Variants in ITGA2B observed in about 807,000 individuals in gnomAD.
ITGA2B encodes the protein integrin alpha-IIb.
A neutral mutation model predicts 142.0 loss-of-function variants in ITGA2B; 91 were observed. The ratio of observed to expected loss-of-function variants is 0.64; its 90% CI spans 0.54 to 0.76. ITGA2B has a LOEUF of 0.76. Ranked by LOEUF, ITGA2B falls within the 30% of genes least tolerant of loss-of-function variation. The probability of loss-of-function intolerance (pLI) is 0.00; values close to 1 mark genes in which losing one functional copy is unlikely to be tolerated. For missense variants in ITGA2B, 1,231 were observed against 1,350.8 expected, an observed-to-expected ratio of 0.91 and a Z score of 1.39; for synonymous variants, 536 against 567.2, an observed-to-expected ratio of 0.94 and a Z score of 0.78.
In ITGA2B at chr17:44,385,877, T is replaced by G. The variant is rs2048644153; in HGVS notation, c.355A>C (p.Lys119Gln). 6.2e-7 allele frequency: 1 copy of G among 1,608,294 alleles called. No individual in the cohort carries two copies. The highest frequency in any genetic ancestry group is 1.3e-5 in the African/African-American group (1 of 74,760). The change falls in exon 3 of 30, where the codon AAG becomes CAG. Residue 119 changes from lysine to glutamine, a missense_variant. Physicochemically the swap from Lys to Gln is moderately conservative, Grantham distance 53. Transcript: ENST00000262407. ...GACGCCCCCAGTCCTTGGCGGGCCT[T>G]GAAGGTTTGTAAAGTTTGGGAGCCT... ...NVGSQTLQTF[K>Q]ARQGLGASVV...
intron 18 of ITGA2B, among the ~76,000 whole-genome samples, chr17:44,378,977 G>T (rs868126693): frequency 4.6e-5 from 7 of 152,132 alleles, no homozygotes; most frequent in African/African-American, 1.4e-4. Context: ...ACGGAGTCTC[G>T]CTCTGTCGTC....
chr17:44,372,215 G>C lies in ITGA2B; in HGVS notation c.*149C>G, dbSNP rs1045419595. On this transcript the variant is annotated 3_prime_UTR_variant, in exon 30 of 30. Transcript: ENST00000262407. ...AGTCTCTTTATTAGGCAGCAGGAGG[G>C]GGGGTAGCCCAGCTCTGTTGGGAGG... The C allele has an allele frequency of 1.7e-4, 123 of 739,406 alleles. 1 individual carries two copies. The highest frequency in any genetic ancestry group is 1.3e-3 in the South Asian group (87 of 66,854). The allele number at this position is 739,406 out of a possible 1,614,324, so 45.8% of individuals were successfully genotyped here.
rs983404384 is a variant in ITGA2B, at chr17:44,379,893, G to A, written c.1753-79C>T. On this transcript the variant is annotated intron_variant, in intron 17 of 29. Transcript: ENST00000262407. ...TCCTGGCCAGTAGGCACCGTGTCCT[G>A]ACCACCCCCGGACTCACAGCACCCA... 21 of 1,612,214 alleles carry A rather than the reference G, an allele frequency of 1.3e-5. No individual in the cohort carries two copies. In the African/African-American group the frequency reaches 2.7e-4, roughly 21 times the overall value.
intron 12 of ITGA2B, among the ~76,000 whole-genome samples, chr17:44,381,939 A>G (rs902243543): frequency 2.6e-5 from 4 of 151,782 alleles, no homozygotes; most frequent in Non-Finnish European, 5.9e-5. Flanking sequence ...TCTAGCATCT[A>G]TTTCTAGCCT....
chr17:44,374,323 G>A lies in ITGA2B; in HGVS notation c.3060+31C>T, dbSNP rs13447343. ...CAGGGCAGAGCCAAGCCTGTGCCCC[G>A]CTGGGGACTCCACCGTCCTTCACAC... On this transcript the variant is annotated intron_variant, in intron 29 of 29. Coordinates refer to ENST00000262407, the MANE Select transcript of ITGA2B (RefSeq NM_000419.5). 569 of 1,591,906 alleles carry A rather than the reference G, an allele frequency of 3.6e-4. 7 individuals carry two copies. The East Asian group carries it at 0.01, about 28-fold the overall frequency.
At position 44,388,818 on chromosome 17, in the gene ITGA2B, C is replaced by CTTTTTTTTTTTTTT. The variant is rs758076614; in HGVS notation, c.188+454_188+467dup. Among the ~76,000 whole-genome samples, 6 of 132,172 alleles carry CTTTTTTTTTTTTTT rather than the reference C, an allele frequency of 4.5e-5. 1 individual carries two copies. The highest frequency in any genetic ancestry group is 4.8e-5 in the Non-Finnish European group (3 of 62,776). The allele number at this position is 132,172 out of a possible 152,430, so 86.7% of individuals were successfully genotyped here. A position where few individuals can be genotyped will look rare whatever the true frequency, so the allele number is the denominator to read the frequency against. On this transcript the variant is annotated intron_variant, in intron 1 of 29. Transcript: ENST00000262407. ...AGGTGTGAGCCACTGTGCCTGGTCT[C>CTTTTTTTTTTTTTT]TTTTTTTTTTTTTTTTTTGTATTTT...
At chr17:44,374,600 CT>C in intron 28 of ITGA2B, 58 bp downstream of exon 28, 1 of 1,555,526 alleles carries the variant, frequency 6.4e-7, no homozygotes, top group Non-Finnish European at 8.9e-7. Flanking sequence ...TGGCTGGGCA[CT>C]GACTGGGGGA....
chr17:44,384,485 G>C, intron 8 of ITGA2B, 53 bp downstream of exon 8: 4 of 1,611,400 alleles, frequency 2.5e-6, no homozygotes, highest in Non-Finnish European at 3.4e-6. Context: ...TTTCAGGAAG[G>C]CGCTCCTCCC....
At chr17:44,386,247 T>G (rs1425276145) in intron 1 of ITGA2B, 116 bp from the exon 2 acceptor site, 3 of 1,468,610 alleles carry the variant, frequency 2.0e-6, no homozygotes, top group Non-Finnish European at 2.8e-6. Flanking sequence ...GGACCATCTT[T>G]CCTCAATGAC....
At chr17:44,380,358 T>C in intron 15 of ITGA2B, 28 bp downstream of exon 15, 1 of 1,614,088 alleles carries the variant, frequency 6.2e-7, no homozygotes, top group Non-Finnish European at 8.5e-7. Context: ...CCCAGATCCT[T>C]TAAGGCCCAT....
rs1489415396 is a variant in ITGA2B at position 44,375,644 on chromosome 17, T to G, written c.2674A>C (p.Ile892Leu). ...PAHHKRDRRQIFLPEPEQPSR... is the reference protein window; with the variant it reads ...PAHHKRDRRQLFLPEPEQPSR... ...GGCTGCTCGGGCTCTGGCAGGAAGA[T>G]CTGTCTGCGATCCCGCTTGTGATGG... is the stretch of plus-strand genomic sequence containing the variant. The change falls in exon 26 of 30, where the codon ATC becomes CTC. Residue 892 changes from isoleucine (I) to leucine (L), a missense_variant. Coordinates refer to ENST00000262407, the MANE Select transcript of ITGA2B (RefSeq NM_000419.5). 1 of 1,613,240 alleles carries G rather than the reference T, an allele frequency of 6.2e-7. No individual in the cohort carries two copies. The highest frequency in any genetic ancestry group is 2.2e-5 in the East Asian group (1 of 44,832).
rs1236922680 is a variant in ITGA2B at position 44,378,707 on chromosome 17, G to A, written c.1882C>T (p.Arg628Ter). 5.8e-6 allele frequency: 9 copies of A among 1,555,712 alleles called. No homozygotes were observed. The highest frequency in any genetic ancestry group is 1.9e-5 in the Admixed American group (1 of 51,354). ...TCTTCCCCACAGTCCAGGACGATTC[G>A]TGTCTAGAGGGGCACATTGGGGTGT... ...HGDTHVQEQT[R>*]IVLDCGEDDV... Residue 628 changes from arginine to a stop codon, truncating the protein, a stop_gained, in exon 19 of 30, where the codon CGA (arginine) becomes TGA (stop). Coordinates refer to ENST00000262407, the MANE Select transcript of ITGA2B (RefSeq NM_000419.5). LOFTEE classifies it high-confidence loss of function.
At chr17:44,376,983 G>C (rs1481203177) in intron 22 of ITGA2B, 26 bp downstream of exon 22, 1 of 1,554,496 alleles carries the variant, frequency 6.4e-7, no homozygotes, top group South Asian at 1.2e-5. Context: ...AAGGGTGGTG[G>C]GTAGGCACGC....
chr17:44,385,381 C>T (rs1241298104), intron 4 of ITGA2B, 46 bp from the exon 5 acceptor site: 9 of 1,587,420 alleles, frequency 5.7e-6, no homozygotes, highest in African/African-American at 2.7e-5. Context: ...TGAAGGGAGG[C>T]GCGCGCGAGC....
Position 44,389,598 on chromosome 17 carries a change from G to C in ITGA2B, c.-125C>G. On this transcript the variant is annotated 5_prime_UTR_variant, in exon 1 of 30. Transcript: ENST00000262407. ...CAAGTAACTTGCTGAGCAACGGGCA[G>C]AGCAAAGGGCTATAGCCCCTGGACT... The C allele has an allele frequency of 9.2e-7, 1 of 1,090,242 alleles. No homozygotes were observed. The highest frequency in any genetic ancestry group is 1.3e-6 in the Non-Finnish European group (1 of 745,144). 67.5% of individuals were successfully genotyped at this position (1,090,242 alleles called of 1,614,324 possible). A position where few individuals can be genotyped will look rare whatever the true frequency, so the allele number is the denominator to read the frequency against.
chr17:44,384,035 G>A (rs778210694), intron 10 of ITGA2B, 50 bp downstream of exon 10: 65 of 1,613,622 alleles, frequency 4.0e-5, no homozygotes, highest in Non-Finnish European at 5.1e-5. Context: ...ATATTCTGAA[G>A]TCTCAGTTCC....
At chr17:44,382,508 A>G (rs563861419) in intron 12 of ITGA2B, among the ~76,000 whole-genome samples, 70 of 140,848 alleles carry the variant, frequency 5.0e-4, no homozygotes, top group Non-Finnish European at 8.6e-4. Flanking sequence ...TTCTTTCTCT[A>G]TTTTTTTTTT....
At chr17:44,388,487 G>C (rs2143502488) in intron 1 of ITGA2B, among the ~76,000 whole-genome samples, 1 of 150,810 alleles carries the variant, frequency 6.6e-6, no homozygotes, top group South Asian at 2.1e-4. Flanking sequence ...CTCCCGAGTA[G>C]CTGGGATTAC....
intron 26 of ITGA2B, 41 bp downstream of exon 26, chr17:44,375,550 G>A (rs751588848): frequency 1.2e-6 from 2 of 1,609,246 alleles, no homozygotes; most frequent in Non-Finnish European, 8.5e-7. Context: ...TGCCCCGTGG[G>A]TCCCGGGGAG....
Sources: gnomAD v4.1 joint callset for allele counts (sites outside exome capture counted in the v4.1 genomes callset) on GRCh38, gnomAD v4.1.1 for gene constraint, MANE v1.5 for transcripts, NCBI Gene and HGNC (gene_info 2026-07-23, HGNC 2026-07-21) for gene names.